The following WDR55 variants were observed in gnomAD, a reference collection of about 807,000 sequenced individuals.
WDR55 encodes WD repeat domain 55, also known as WD repeat-containing protein 55.
A neutral mutation model predicts 34.0 loss-of-function variants in WDR55; 31 were observed. The observed-to-expected ratio is 0.91, with a 90% CI of 0.69 to 1.23. The LOEUF is 1.23. WDR55 is among the 50% of genes most tolerant of loss of function. The pLI is 0.00. For missense variants in WDR55, 440 were observed against 494.6 expected (o/e 0.89, Z 1.05); for synonymous variants, 164 against 185.9 (o/e 0.88, Z 0.96).
chr5:140,669,799 C>T lies in WDR55; in HGVS notation c.*145C>T. Reference sequence around the variant, plus strand: ...CTGGAGTGCGCTGGCTTGATCTTGGCTCACTGCAGCCTCAATGTCCCCAGG... The same window carrying T: ...CTGGAGTGCGCTGGCTTGATCTTGGTTCACTGCAGCCTCAATGTCCCCAGG... On this transcript the variant is annotated 3_prime_UTR_variant, in exon 7 of 7. Transcript: ENST00000358337. 2 of 789,844 alleles carry T rather than the reference C, an allele frequency of 2.5e-6. No individual in the cohort carries two copies. The highest frequency in any genetic ancestry group is 4.0e-6 in the Non-Finnish European group (2 of 500,606). 48.9% of individuals were successfully genotyped at this position (789,844 alleles called of 1,614,324 possible). A position where few individuals can be genotyped will look rare whatever the true frequency, so the allele number is the denominator to read the frequency against.
At chr5:140,669,302 C>T (rs1311408280) in intron 6 of WDR55, 31 bp from the exon 7 acceptor site, 20 of 1,612,116 alleles carry the variant, frequency 1.2e-5, no homozygotes, top group Non-Finnish European at 1.6e-5. Flanking sequence ...CCCAGCTAGC[C>T]AGTACTCAAC....
In WDR55 at chr5:140,672,059, C is replaced by CG; in HGVS notation, c.*2405_*2406insG. 1.8e-6 allele frequency: 1 copy of CG among 561,416 alleles called. No homozygotes were observed. The highest frequency in any genetic ancestry group is 2.1e-5 in the South Asian group (1 of 48,388). 34.8% of individuals were successfully genotyped at this position (561,416 alleles called of 1,614,324 possible). A position where few individuals can be genotyped will look rare whatever the true frequency, so the allele number is the denominator to read the frequency against. ...TGTAAGTCAGTCAGTGTGCTAAGTA[C>CG]CGTACACCCATTATGTTACTTAATT... On this transcript the variant is annotated 3_prime_UTR_variant, in exon 7 of 7. Coordinates refer to ENST00000358337, the MANE Select transcript of WDR55 (RefSeq NM_017706.5).
Position 140,669,219 on chromosome 5 carries a change from G to A in WDR55, c.801G>A (p.Leu267=), listed in dbSNP as rs754877307. Residue 267 remains leucine, a synonymous_variant, in exon 6 of 7, where the codon CTG becomes CTA. Coordinates refer to ENST00000358337, the MANE Select transcript of WDR55 (RefSeq NM_017706.5). Reference sequence around the variant, plus strand: ...TGGTTCCAGTCACCGAGAGTCTGCTGTGTACTGGCTCCACTGATGGAGTCA... The same window carrying A: ...TGGTTCCAGTCACCGAGAGTCTGCTATGTACTGGCTCCACTGATGGAGTCA... The part of the protein sequence containing the change: ...DCMVPVTESL[L]CTGSTDGVIR... 2 of 1,613,726 alleles carry A rather than the reference G, an allele frequency of 1.2e-6. No individual in the cohort carries two copies.
In WDR55 at chr5:140,669,907, T is replaced by TG. The variant is rs981312515; in HGVS notation, c.*253_*254insG. 4.9e-6 allele frequency: 2 copies of TG among 407,326 alleles called. No individual in the cohort carries two copies. The highest frequency in any genetic ancestry group is 4.1e-5 in the African/African-American group (2 of 49,042). 25.2% of individuals were successfully genotyped at this position (407,326 alleles called of 1,614,324 possible). On this transcript the variant is annotated 3_prime_UTR_variant, in exon 7 of 7. Transcript: ENST00000358337. ...CCACACCAGGCCAATTTTTGTTTTT[T>TG]TTTTTTGGTAGAAACGGGTCTGTTT...
rs1171709565 is a variant in WDR55, at chr5:140,668,732, T to G, written c.501T>G (p.His167Gln). The G allele has an allele frequency of 3.7e-6, 6 of 1,614,086 alleles. No individual in the cohort carries two copies. The African/African-American group carries it at 8.0e-5, about 22-fold the overall frequency. Residue 167 changes from histidine to glutamine, a missense_variant, in exon 4 of 7, where the codon CAT (histidine) becomes CAG (glutamine). Coordinates refer to ENST00000358337, the MANE Select transcript of WDR55 (RefSeq NM_017706.5). ...GCCCCTTAATGGATATGAGGCAACA[T>G]GAAGAGTACATCGCAGACATGGCTC... Reference protein sequence around the residue: ...KEGPLMDMRQHEEYIADMALD... With the variant: ...KEGPLMDMRQQEEYIADMALD...
Position 140,671,281 on chromosome 5 carries a change from G to T in WDR55, c.*1627G>T. The T allele has an allele frequency of 6.2e-7, 1 of 1,612,678 alleles. No homozygotes were observed. Among genetic ancestry groups the T allele is most frequent in the African/African-American group, 1.3e-5 (1 of 75,042 alleles). ...CATGCCCATTCAGGGTGCCTGTGGAGAAAGAATGGAGTCACTGTTTAACCA... is the reference window on the plus strand; with the variant it reads ...CATGCCCATTCAGGGTGCCTGTGGATAAAGAATGGAGTCACTGTTTAACCA... On this transcript the variant is annotated 3_prime_UTR_variant, in exon 7 of 7. Coordinates refer to ENST00000358337, the MANE Select transcript of WDR55 (RefSeq NM_017706.5).
rs556683370 is a variant in WDR55 at position 140,665,250 on chromosome 5, T to A, written c.191+147T>A. Reference sequence around the variant, plus strand: ...TATTCAGTAACATTCGGCTCTTCTATCACACCAATCTGTTGAAAGAACTGG... The same window carrying A: ...TATTCAGTAACATTCGGCTCTTCTAACACACCAATCTGTTGAAAGAACTGG... On this transcript the variant is annotated intron_variant, in intron 1 of 6. Coordinates refer to ENST00000358337, the MANE Select transcript of WDR55 (RefSeq NM_017706.5). The A allele has an allele frequency of 1.0e-5, 7 of 692,896 alleles. No individual in the cohort carries two copies. The Admixed American group carries it at 1.3e-4, about 13-fold the overall frequency. The allele number at this position is 692,896 out of a possible 1,614,324, so 42.9% of individuals were successfully genotyped here. A position where few individuals can be genotyped will look rare whatever the true frequency, so the allele number is the denominator to read the frequency against.
In WDR55 at chr5:140,670,993, G is replaced by T; in HGVS notation, c.*1339G>T. ...ATAAAGAAGATTCATGCTAAGCTGTGGCAGAGGGGGGAAGGTATGATCGGG... is the reference window on the plus strand; with the variant it reads ...ATAAAGAAGATTCATGCTAAGCTGTTGCAGAGGGGGGAAGGTATGATCGGG... On this transcript the variant is annotated 3_prime_UTR_variant, in exon 7 of 7. Transcript: ENST00000358337. 2.0e-6 allele frequency: 1 copy of T among 508,344 alleles called. No individual in the cohort carries two copies. The highest frequency in any genetic ancestry group is 3.6e-6 in the Non-Finnish European group (1 of 278,782). 31.5% of individuals were successfully genotyped at this position (508,344 alleles called of 1,614,324 possible).
At position 140,671,780 on chromosome 5, in the gene WDR55, G is replaced by A. The variant is rs1012474569; in HGVS notation, c.*2126G>A. ...AGGAAAAATGCAAAGACAAGGGCAG[G>A]TCTAAACCCTGGGCCCAAGCCTCCA... On this transcript the variant is annotated 3_prime_UTR_variant, in exon 7 of 7. Coordinates refer to ENST00000358337, the MANE Select transcript of WDR55 (RefSeq NM_017706.5). The A allele has an allele frequency of 6.4e-7, 1 of 1,553,552 alleles. No individual in the cohort carries two copies.
rs1757973388 is a variant in WDR55, at chr5:140,668,397, T to G, written c.293-18T>G. On this transcript the variant is annotated intron_variant, in intron 2 of 6. Coordinates refer to ENST00000358337, the MANE Select transcript of WDR55 (RefSeq NM_017706.5). ...GGGAGCAGTGAGCAGCACCATGACCTGGGCACCTTTTCCCCAGAGCTCATT... is the reference window on the plus strand; with the variant it reads ...GGGAGCAGTGAGCAGCACCATGACCGGGGCACCTTTTCCCCAGAGCTCATT... 1 of 1,614,074 alleles carries G rather than the reference T, an allele frequency of 6.2e-7. No individual in the cohort carries two copies. Among genetic ancestry groups the G allele is most frequent in the African/African-American group, 1.3e-5 (1 of 74,920 alleles).
At position 140,671,220 on chromosome 5, in the gene WDR55, C is replaced by A. The variant is rs1157614450; in HGVS notation, c.*1566C>A. The A allele has an allele frequency of 6.3e-7, 1 of 1,598,022 alleles. No individual in the cohort carries two copies. Among genetic ancestry groups the A allele is most frequent in the African/African-American group, 1.3e-5 (1 of 74,636 alleles). On this transcript the variant is annotated 3_prime_UTR_variant, in exon 7 of 7. Coordinates refer to ENST00000358337, the MANE Select transcript of WDR55 (RefSeq NM_017706.5). ...CCTTTGGGGGTCAGAAAGTGGCCAC[C>A]CAGGCCTGCTGGGATGGGGCCTGAC...
intron 1 of WDR55, chr5:140,667,239 G>C: frequency 1.2e-6 from 1 of 844,454 alleles, no homozygotes; most frequent in Non-Finnish European, 1.4e-6. Context: ...AGGTTCTGGA[G>C]GAAAATTCTT....
In WDR55 at chr5:140,668,924, G is replaced by A; in HGVS notation, c.594G>A (p.Lys198=). ...GCTGCCTTGGCATCTTCAACATTAA[G>A]AGGCGTCGGTTTGAGCTGCTCTCAG... The part of the protein sequence containing the change: ...GDGCLGIFNI[K]RRRFELLSEP... The change falls in exon 5 of 7, where the codon AAG becomes AAA. Residue 198 remains lysine, a synonymous_variant. Coordinates refer to ENST00000358337, the MANE Select transcript of WDR55 (RefSeq NM_017706.5). 6.2e-7 allele frequency: 1 copy of A among 1,614,200 alleles called. No homozygotes were observed. The highest frequency in any genetic ancestry group is 1.1e-5 in the South Asian group (1 of 91,080).
At position 140,666,898 on chromosome 5, in the gene WDR55, AT is replaced by A. The variant is rs1273636099; in HGVS notation, c.192-1332del. 1.0e-5 allele frequency: 10 copies of A among 985,256 alleles called. No individual in the cohort carries two copies. The South Asian group carries it at 1.4e-4, about 14-fold the overall frequency. 61.0% of individuals were successfully genotyped at this position (985,256 alleles called of 1,614,324 possible). On this transcript the variant is annotated intron_variant, in intron 1 of 6. Transcript: ENST00000358337. ...AGGGTAGATGCTCAACACATGTTTG[AT>A]TTTGAACAAAAGATACAGGTTAGAG...
chr5:140,671,421 C>G lies in WDR55; in HGVS notation c.*1767C>G. On this transcript the variant is annotated 3_prime_UTR_variant, in exon 7 of 7. Transcript: ENST00000358337. ...GCCACCTCATGCCCATCCCGGCCATCTAGGGTCAGCACAACCCAGATGAGG... is the reference window on the plus strand; with the variant it reads ...GCCACCTCATGCCCATCCCGGCCATGTAGGGTCAGCACAACCCAGATGAGG... 6.2e-7 allele frequency: 1 copy of G among 1,612,158 alleles called. No individual in the cohort carries two copies. Among genetic ancestry groups the G allele is most frequent in the Non-Finnish European group, 8.5e-7 (1 of 1,179,854 alleles).
At chr5:140,668,373 G>A in intron 2 of WDR55, 39 bp downstream of exon 2, 1 of 1,614,204 alleles carries the variant, frequency 6.2e-7, no homozygotes, top group African/African-American at 1.3e-5. Context: ...GTGGTGGAAG[G>A]GAGCAGTGAG....
chr5:140,665,795 G>A (rs556695800), intron 1 of WDR55, among the ~76,000 whole-genome samples: 2 of 152,134 alleles, frequency 1.3e-5, no homozygotes, highest in East Asian at 2.0e-4. Context: ...TGAGGTTGGA[G>A]CTCGAGACCA....
downstream of WDR55, chr5:140,672,345 ATGTTTGACTCTAAGATCT>A: frequency 7.7e-7 from 1 of 1,298,022 alleles, no homozygotes; most frequent in Non-Finnish European, 1.1e-6. Flanking sequence ...AAATTCTGGC[ATGTTTGACTCTAAGATCT>A]TGTAACTTTA....
chr5:140,670,927 T>TC lies in WDR55; in HGVS notation c.*1277dup, dbSNP rs989666939. ...CTGACCCCTTTGGCTCAGCTGCCCTTCCCCACAAATAAAAACCAACAAAGA... is the reference window on the plus strand; with the variant it reads ...CTGACCCCTTTGGCTCAGCTGCCCTTCCCCCACAAATAAAAACCAACAAAGA... On this transcript the variant is annotated 3_prime_UTR_variant, in exon 7 of 7. Transcript: ENST00000358337. 4.4e-5 allele frequency: 13 copies of TC among 298,526 alleles called. No homozygotes were observed. The highest frequency in any genetic ancestry group is 2.5e-4 in the African/African-American group (11 of 44,240). 18.5% of individuals were successfully genotyped at this position (298,526 alleles called of 1,614,324 possible). A position where few individuals can be genotyped will look rare whatever the true frequency, so the allele number is the denominator to read the frequency against.
Sources: allele counts gnomAD v4.1 joint callset (sites outside exome capture counted in the v4.1 genomes callset), GRCh38; gene constraint gnomAD v4.1.1; transcripts MANE v1.5; gene names NCBI Gene and HGNC (gene_info 2026-07-23, HGNC 2026-07-21).